ULK4: variants seen among roughly 807,000 people sequenced by gnomAD.
The protein encoded by ULK4 is inactive serine/threonine-protein kinase ULK4.
In ULK4, 133 loss-of-function variants were observed where a neutral mutation model predicts 160.6. The observed-to-expected ratio is 0.83, with a 90% confidence interval of 0.72 to 0.96. The LOEUF (loss-of-function observed/expected upper bound fraction) is 0.96, where lower values mean the gene tolerates loss of function less well. ULK4 is among the 40% of genes least tolerant of loss of function. The pLI, the probability that ULK4 is intolerant of heterozygous loss-of-function variation, is 0.00. For missense variants in ULK4, 1,580 were observed against 1,499.5 expected (o/e 1.05, Z -0.89); for synonymous variants, 534 against 539.8 (o/e 0.99, Z 0.15).
At chr3:41,600,808 C>G (rs2032014256) in intron 31 of ULK4, among the ~76,000 whole-genome samples, 1 of 152,192 alleles carries the variant, frequency 6.6e-6, no homozygotes, top group Non-Finnish European at 1.5e-5. Flanking sequence ...TGGCAATGAA[C>G]CAGCTGACTG....
intron 29 of ULK4, among the ~76,000 whole-genome samples, chr3:41,678,177 TACACACACACACACACAC>T (rs752843326): frequency 2.1e-3 from 261 of 123,132 alleles, no homozygotes; most frequent in African/African-American, 7.1e-3. Context: ...CTTTATTTCA[TACACACACACACACACAC>T]ACACACACAC....
At chr3:41,752,040 T>C (rs1053214872) in intron 22 of ULK4, among the ~76,000 whole-genome samples, 10 of 152,124 alleles carry the variant, frequency 6.6e-5, no homozygotes, top group African/African-American at 2.2e-4. Flanking sequence ...TGACTGGGTG[T>C]TACTGGAGGA....
chr3:41,925,225 T>C lies in ULK4; in HGVS notation c.542-5407A>G, dbSNP rs892395322. On this transcript the variant is annotated intron_variant, in intron 5 of 36. Transcript: ENST00000301831. ...ACCAGGTTCATCTCACTGGGACTGG[T>C]TGGACAGCGGGTGCAGCCCACAGAG... Among the ~76,000 whole-genome samples the C allele has an allele frequency of 2.8e-4, 43 of 152,252 alleles. 1 individual carries two copies. The highest frequency in any genetic ancestry group is 5.4e-4 in the Non-Finnish European group (37 of 68,002).
intron 32 of ULK4, among the ~76,000 whole-genome samples, chr3:41,560,442 A>C (rs993915881): frequency 1.3e-5 from 2 of 152,188 alleles, no homozygotes; most frequent in African/African-American, 4.8e-5. Context: ...GAATCTATAA[A>C]TTACCTTGGG....
chr3:41,297,547 C>T (rs1056780201), intron 35 of ULK4, among the ~76,000 whole-genome samples: 1 of 152,206 alleles, frequency 6.6e-6, no homozygotes, highest in Non-Finnish European at 1.5e-5. Context: ...GGATAAACAC[C>T]TATACCACCA....
intron 11 of ULK4, 76 bp downstream of exon 11, chr3:41,911,241 T>A (rs1315754859): frequency 8.6e-6 from 12 of 1,395,926 alleles, no homozygotes; most frequent in Non-Finnish European, 1.2e-5. Context: ...TAACAAAGTT[T>A]GCACCAAGAT....
At chr3:41,888,239 CTT>C (rs1234745836) in intron 16 of ULK4, among the ~76,000 whole-genome samples, 1 of 152,178 alleles carries the variant, frequency 6.6e-6, no homozygotes, top group Admixed American at 6.5e-5. Context: ...CATTCTCTGT[CTT>C]TAATGATTGC....
At chr3:41,361,437 A>C (rs2081141919) in intron 35 of ULK4, among the ~76,000 whole-genome samples, 1 of 152,256 alleles carries the variant, frequency 6.6e-6, no homozygotes, top group African/African-American at 2.4e-5. Flanking sequence ...TCTTGGACAC[A>C]AACTCATCTT....
chr3:41,649,816 T>C (rs1171773218), intron 30 of ULK4, among the ~76,000 whole-genome samples: 1 of 152,230 alleles, frequency 6.6e-6, no homozygotes, highest in Non-Finnish European at 1.5e-5. Flanking sequence ...AAACTCCACC[T>C]TCAAGCCAGG....
intron 11 of ULK4, 56 bp downstream of exon 11, chr3:41,911,261 T>C (rs981491225): frequency 6.4e-7 from 1 of 1,557,358 alleles, no homozygotes; most frequent in Admixed American, 1.7e-5. Context: ...TAGCAGATGC[T>C]TTAAGAAAAT....
At chr3:41,809,752 A>C (rs1263846051) in intron 19 of ULK4, among the ~76,000 whole-genome samples, 2 of 152,132 alleles carry the variant, frequency 1.3e-5, no homozygotes, top group African/African-American at 4.8e-5. Flanking sequence ...CAATATATGC[A>C]GTGTTTTGCC....
At chr3:41,446,171 A>G (rs1559608021) in intron 34 of ULK4, among the ~76,000 whole-genome samples, 1 of 152,194 alleles carries the variant, frequency 6.6e-6, no homozygotes, top group Non-Finnish European at 1.5e-5. Context: ...CAAAACCACA[A>G]TGAGATACCA....
At chr3:41,250,043 C>T (rs936675865) in intron 35 of ULK4, among the ~76,000 whole-genome samples, 3 of 152,186 alleles carry the variant, frequency 2.0e-5, no homozygotes, top group African/African-American at 4.8e-5. Flanking sequence ...GGGAGAGAGG[C>T]ATTAATAACT....
intron 35 of ULK4, among the ~76,000 whole-genome samples, chr3:41,270,315 CT>C (rs2079118385): frequency 6.6e-6 from 1 of 152,128 alleles, no homozygotes; most frequent in African/African-American, 2.4e-5. Flanking sequence ...CCCAACCCAG[CT>C]GGGGAGCTGT....
intron 31 of ULK4, among the ~76,000 whole-genome samples, chr3:41,615,360 T>G (rs1265867815): frequency 6.6e-6 from 1 of 152,200 alleles, no homozygotes; most frequent in East Asian, 1.9e-4. Flanking sequence ...TTCTTCCCTC[T>G]CTATACAAAC....
chr3:41,482,049 G>A (rs531429902), intron 32 of ULK4, among the ~76,000 whole-genome samples: 14 of 152,060 alleles, frequency 9.2e-5, no homozygotes, highest in African/African-American at 2.7e-4. Context: ...GTCCTACTTC[G>A]CCTATGAAGT....
chr3:41,771,560 A>T (rs543368278), intron 21 of ULK4, among the ~76,000 whole-genome samples: 1 of 152,290 alleles, frequency 6.6e-6, no homozygotes, highest in South Asian at 2.1e-4. Context: ...AACAACAAAA[A>T]ATCATGAATA....
At chr3:41,446,368 T>A (rs147552237) in intron 34 of ULK4, among the ~76,000 whole-genome samples, 80,466 of 151,662 alleles carry the variant, frequency 0.53, 21,780 homozygotes, top group East Asian at 0.69. Flanking sequence ...CAGCCATCCC[T>A]TTACTGGGTA....
intron 35 of ULK4, among the ~76,000 whole-genome samples, chr3:41,267,042 T>A (rs2079050177): frequency 6.6e-6 from 1 of 151,156 alleles, no homozygotes; most frequent in Non-Finnish European, 1.5e-5. Flanking sequence ...TTAAGGCTTT[T>A]TTTTTTTTTG....
Sources: allele counts gnomAD v4.1 joint callset (sites outside exome capture counted in the v4.1 genomes callset), GRCh38; gene constraint gnomAD v4.1.1; transcripts MANE v1.5; gene names NCBI Gene and HGNC (gene_info 2026-07-23, HGNC 2026-07-21).